Variants in BUD13 observed in about 807,000 individuals in gnomAD.
BUD13 encodes BUD13 homolog.
A neutral mutation model predicts 62.5 loss-of-function variants in BUD13; 47 were observed. The ratio of observed to expected loss-of-function variants is 0.75; its 90% confidence interval spans 0.60 to 0.96. BUD13 has a LOEUF of 0.96. Ranked by LOEUF, BUD13 falls within the 40% of genes least tolerant of loss-of-function variation. The pLI is 0.00. For missense variants in BUD13, 821 were observed against 790.9 expected (o/e 1.04, Z -0.46); for synonymous variants, 293 against 280.1 (o/e 1.05, Z -0.46).
At position 116,758,252 on chromosome 11, in the gene BUD13, TTCA is replaced by T. The variant is rs1940366984; in HGVS notation, c.1499+14_1499+16del. 2.5e-6 allele frequency: 4 copies of T among 1,613,508 alleles called. No individual in the cohort carries two copies. The highest frequency in any genetic ancestry group is 3.4e-6 in the Non-Finnish European group (4 of 1,179,736). ...CAGTCACTGCCATCTTGTTTACCCT[TTCA>T]GTGGTTCCCTTACCCTTTTCCCCAC... On this transcript the variant is annotated intron_variant, in intron 7 of 9. Coordinates refer to ENST00000260210, the MANE Select transcript of BUD13 (RefSeq NM_032725.4).
chr11:116,767,990 T>C (rs867427430), intron 2 of BUD13, among the ~76,000 whole-genome samples: 12 of 139,470 alleles, frequency 8.6e-5, no homozygotes, highest in African/African-American at 3.6e-4. Flanking sequence ...ATAATAATAA[T>C]AATAATAATA....
chr11:116,770,344 T>A, intron 1 of BUD13, 122 bp from the exon 2 acceptor site: 1 of 752,088 alleles, frequency 1.3e-6, no homozygotes, highest in Non-Finnish European at 2.0e-6. Flanking sequence ...AGTCTTTGTC[T>A]ACAAGGTCAA....
At chr11:116,772,492 G>A (rs983534462) in intron 1 of BUD13, among the ~76,000 whole-genome samples, 1 of 152,192 alleles carries the variant, frequency 6.6e-6, no homozygotes, top group Non-Finnish European at 1.5e-5. Context: ...CAAGCACAGA[G>A]GCTTTGAATC....
At chr11:116,757,406 G>A (rs1251242280) in intron 8 of BUD13, among the ~76,000 whole-genome samples, 179 bp from the exon 9 acceptor site, 1 of 151,528 alleles carries the variant, frequency 6.6e-6, no homozygotes, top group African/African-American at 2.4e-5. Context: ...AGCAATTCTC[G>A]TGCCTTAGCC....
At chr11:116,750,774 C>T (rs1045048726) in intron 9 of BUD13, among the ~76,000 whole-genome samples, 5 of 152,182 alleles carry the variant, frequency 3.3e-5, no homozygotes, top group African/African-American at 9.7e-5. Flanking sequence ...TTAATCCTTC[C>T]GTGTCTCCCC....
intron 6 of BUD13, among the ~76,000 whole-genome samples, 172 bp downstream of exon 6, chr11:116,758,902 T>C (rs913123142): frequency 6.6e-6 from 1 of 152,084 alleles, no homozygotes; most frequent in Non-Finnish European, 1.5e-5. Flanking sequence ...GAAATGGCAT[T>C]TTTCAAGAAG....
intron 9 of BUD13, among the ~76,000 whole-genome samples, chr11:116,756,364 T>C (rs769926713): frequency 3.3e-5 from 5 of 151,870 alleles, no homozygotes; most frequent in Non-Finnish European, 5.9e-5. Flanking sequence ...TACAAAAAAT[T>C]AGCTGGGTGT....
At chr11:116,762,382 G>C (rs924480480) in intron 4 of BUD13, among the ~76,000 whole-genome samples, 171 bp downstream of exon 4, 1 of 152,126 alleles carries the variant, frequency 6.6e-6, no homozygotes, top group African/African-American at 2.4e-5. Flanking sequence ...AAAGACATAT[G>C]AAAACCTTCC....
intron 4 of BUD13, 58 bp downstream of exon 4, chr11:116,762,495 G>A: frequency 7.3e-7 from 1 of 1,378,820 alleles, no homozygotes; most frequent in South Asian, 1.4e-5. Flanking sequence ...CAACTAAACG[G>A]CCAAAAGAAA....
At chr11:116,769,414 T>C (rs1171781627) in intron 2 of BUD13, among the ~76,000 whole-genome samples, 1 of 152,214 alleles carries the variant, frequency 6.6e-6, no homozygotes, top group Non-Finnish European at 1.5e-5. Context: ...AATCTACATA[T>C]CTCCAGTACT....
chr11:116,760,668 G>A, intron 5 of BUD13, 67 bp downstream of exon 5: 1 of 1,494,768 alleles, frequency 6.7e-7, no homozygotes, highest in Non-Finnish European at 9.3e-7. Context: ...TGATTCTCTG[G>A]GACATATATA....
At chr11:116,766,368 T>C (rs936141053) in intron 2 of BUD13, among the ~76,000 whole-genome samples, 1 of 152,228 alleles carries the variant, frequency 6.6e-6, no homozygotes, top group Non-Finnish European at 1.5e-5. Context: ...ACTTTCTCAA[T>C]GTCACAAGCT....
chr11:116,756,139 T>C (rs1345342379), intron 9 of BUD13, among the ~76,000 whole-genome samples: 1 of 151,766 alleles, frequency 6.6e-6, no homozygotes, highest in African/African-American at 2.4e-5. Context: ...ACCCGGGAAG[T>C]GGAGATTGCA....
intron 3 of BUD13, among the ~76,000 whole-genome samples, chr11:116,763,789 C>T (rs1329703913): frequency 1.3e-5 from 2 of 152,156 alleles, no homozygotes; most frequent in African/African-American, 2.4e-5. Flanking sequence ...TTGACTAAAA[C>T]GGTGAATATC....
chr11:116,772,548 G>A (rs1235271750), intron 1 of BUD13, among the ~76,000 whole-genome samples: 1 of 152,178 alleles, frequency 6.6e-6, no homozygotes, highest in African/African-American at 2.4e-5. Context: ...TATGGGAGAG[G>A]ACGGAAGTCT....
At chr11:116,752,803 T>A (rs1263535810) in intron 9 of BUD13, among the ~76,000 whole-genome samples, 1 of 152,124 alleles carries the variant, frequency 6.6e-6, no homozygotes, top group Non-Finnish European at 1.5e-5. Flanking sequence ...AGCCTTAAAT[T>A]TTTTTATTCT....
chr11:116,771,378 C>A (rs1364704249), intron 1 of BUD13, among the ~76,000 whole-genome samples: 1 of 152,156 alleles, frequency 6.6e-6, no homozygotes, highest in African/African-American at 2.4e-5. Context: ...AACTGGAATA[C>A]GAAATATTCA....
At chr11:116,763,706 C>CA (rs1198856934) in intron 3 of BUD13, among the ~76,000 whole-genome samples, 2 of 152,158 alleles carry the variant, frequency 1.3e-5, no homozygotes, top group Non-Finnish European at 1.5e-5. Flanking sequence ...GCAGAGTTCC[C>CA]AGCTAGTGGC....
chr11:116,760,916 G>A lies in BUD13; in HGVS notation c.1073C>T (p.Ser358Phe), dbSNP rs1485691213. Residue 358 changes from serine to phenylalanine, a missense_variant, in exon 5 of 10, where the codon TCT becomes TTT. Physicochemically the swap from Ser to Phe is radical, Grantham distance 155. Around this residue, in one of 2 missense-constraint regions of BUD13, gnomAD observed 800 missense variants for 739.2 expected, o/e 1.08. Coordinates refer to ENST00000260210, the MANE Select transcript of BUD13 (RefSeq NM_032725.4). ...CQKATDSDLS[S>F]PRHKQSPGHQ... ...CCCTGGACTTTGTTTATGCCGTGGA[G>A]AAGAAAGGTCTGAATCAGTTGCTTT... The A allele has an allele frequency of 1.9e-6, 3 of 1,614,010 alleles. No individual in the cohort carries two copies. In the African/African-American group the frequency reaches 4.0e-5, roughly 22 times the overall value.
Sources: allele counts gnomAD v4.1 joint callset (sites outside exome capture counted in the v4.1 genomes callset), GRCh38; gene constraint gnomAD v4.1.1; regional missense constraint gnomAD v4.1.1; transcripts MANE v1.5; gene names NCBI Gene and HGNC (gene_info 2026-07-23, HGNC 2026-07-21).